Variants in TPH1 observed in about 807,000 individuals in gnomAD.
TPH1 encodes the protein tryptophan hydroxylase 1, also known as tryptophan 5-hydroxylase 1.
A neutral mutation model predicts 49.5 loss-of-function variants in TPH1; 37 were observed. That is an observed-to-expected ratio of 0.75 (90% CI 0.58 to 0.98). The LOEUF is 0.98. Among genes scored for constraint, TPH1 ranks in the 50% least tolerant of loss-of-function variants. TPH1 has a pLI of 0.00. For missense variants in TPH1, 487 were observed against 523.6 expected, an observed-to-expected ratio of 0.93 and a Z score of 0.68; for synonymous variants, 160 against 182.1, an observed-to-expected ratio of 0.88 and a Z score of 0.98.
chr11:18,026,453 C>T, intron 7 of TPH1, 37 bp downstream of exon 7: 1 of 1,471,554 alleles, frequency 6.8e-7, no homozygotes. Context: ...TATAAATAAC[C>T]ATTTGATGAA....
intron 4 of TPH1, among the ~76,000 whole-genome samples, chr11:18,030,166 T>G (rs934495172): frequency 5.9e-5 from 9 of 152,146 alleles, no homozygotes; most frequent in African/African-American, 2.2e-4. Flanking sequence ...CTCAACACTT[T>G]GGGAGACCTA....
chr11:18,036,274 T>C (rs1461992903), intron 2 of TPH1, 132 bp from the exon 3 acceptor site: 6 of 694,222 alleles, frequency 8.6e-6, no homozygotes, highest in Non-Finnish European at 1.5e-5. Flanking sequence ...AGACTGTTTT[T>C]AGTGCTGCCA....
Position 18,040,799 on chromosome 11 carries a change from A to G in TPH1, c.-26-11T>C, listed in dbSNP as rs755549840. On this transcript the variant is annotated splice_polypyrimidine_tract_variant and intron_variant, in intron 1 of 10. Coordinates refer to ENST00000682019, the MANE Select transcript of TPH1 (RefSeq NM_004179.3). ...AGTAATTCTCTAAAACTAAAGTATG[A>G]AAACAAAGACTACGGGCTAAAAAAG... is the stretch of plus-strand genomic sequence containing the variant. 6.2e-7 allele frequency: 1 copy of G among 1,604,646 alleles called. No homozygotes were observed. Among genetic ancestry groups the G allele is most frequent in the African/African-American group, 1.3e-5 (1 of 74,706 alleles).
intron 1 of TPH1, among the ~76,000 whole-genome samples, chr11:18,045,112 C>G (rs1294917161): frequency 6.6e-6 from 1 of 152,136 alleles, no homozygotes; most frequent in Non-Finnish European, 1.5e-5. Flanking sequence ...TTTATATTTA[C>G]CGGATCTAGG....
intron 8 of TPH1, among the ~76,000 whole-genome samples, chr11:18,024,999 C>T (rs140611595): frequency 2.0e-5 from 3 of 152,278 alleles, no homozygotes; most frequent in African/African-American, 7.2e-5. Flanking sequence ...TCTATGCTCC[C>T]AGAGCAATGT....
At chr11:18,031,998 C>T (rs10488683) in intron 4 of TPH1, among the ~76,000 whole-genome samples, 83,583 of 151,818 alleles carry the variant, frequency 0.55, 23,074 homozygotes, top group Middle Eastern at 0.72. Flanking sequence ...TGCTCCTTTC[C>T]GGCAAGTACT....
chr11:18,022,745 T>C (rs1854376935), intron 10 of TPH1, 53 bp downstream of exon 10: 1 of 1,602,550 alleles, frequency 6.2e-7, no homozygotes, highest in African/African-American at 1.3e-5. Flanking sequence ...GTTACCATAA[T>C]GGGGCTGATC....
At chr11:18,042,283 G>C (rs1278757882) in intron 1 of TPH1, 3 of 436,002 alleles carry the variant, frequency 6.9e-6, no homozygotes, top group Non-Finnish European at 1.4e-5. Flanking sequence ...TGGCTCTGGG[G>C]CTAAAAATTC....
chr11:18,042,492 T>C (rs1848107287), intron 1 of TPH1: 1 of 355,030 alleles, frequency 2.8e-6, no homozygotes. Context: ...TAGTAATAAA[T>C]CTTTCTGCAA....
intron 1 of TPH1, among the ~76,000 whole-genome samples, chr11:18,045,562 G>C (rs1848133306): frequency 6.6e-6 from 1 of 151,480 alleles, no homozygotes; most frequent in Non-Finnish European, 1.5e-5. Flanking sequence ...AAGTCAAGTA[G>C]AGTGGGACAT....
chr11:18,040,481 C>A (rs1022218991), intron 2 of TPH1, among the ~76,000 whole-genome samples, 165 bp downstream of exon 2: 2 of 151,628 alleles, frequency 1.3e-5, no homozygotes, highest in African/African-American at 4.8e-5. Context: ...AATCCTCCCA[C>A]CCCAGCCTCC....
At chr11:18,030,637 A>C (rs1847978604) in intron 4 of TPH1, among the ~76,000 whole-genome samples, 1 of 152,202 alleles carries the variant, frequency 6.6e-6, no homozygotes, top group Non-Finnish European at 1.5e-5. Context: ...CTGTTATTGT[A>C]AAATGATACA....
chr11:18,024,974 A>T (rs887085470), intron 8 of TPH1, among the ~76,000 whole-genome samples: 10 of 152,110 alleles, frequency 6.6e-5, no homozygotes, highest in African/African-American at 2.4e-5. Context: ...CTCCCAGGAA[A>T]CCTTCCCCAG....
intron 4 of TPH1, among the ~76,000 whole-genome samples, chr11:18,032,477 T>C (rs537161448): frequency 1.6e-4 from 25 of 152,100 alleles, no homozygotes; most frequent in Admixed American, 4.6e-4. Flanking sequence ...AAGCTACATG[T>C]TTTTCAGGCA....
Position 18,036,011 on chromosome 11 carries a change from A to G in TPH1, c.249T>C (p.His83=). 2 of 1,612,732 alleles carry G rather than the reference A, an allele frequency of 1.2e-6. No homozygotes were observed. The highest frequency in any genetic ancestry group is 1.7e-6 in the Non-Finnish European group (2 of 1,179,910). Residue 83 remains histidine (H), a synonymous_variant, in exon 3 of 11, where the codon CAT becomes CAC. Transcript: ENST00000682019. The part of the protein sequence containing the change: ...LNDIFHLLKS[H]TNVLSVNLPD... ...GTAGATTCACAGAGAGAACATTGGTATGAGACTTCAGCAGATGAAAAATAT... is the reference window on the plus strand; with the variant it reads ...GTAGATTCACAGAGAGAACATTGGTGTGAGACTTCAGCAGATGAAAAATAT...
intron 8 of TPH1, among the ~76,000 whole-genome samples, chr11:18,024,823 C>T (rs912315981): frequency 3.9e-5 from 6 of 152,224 alleles, no homozygotes; most frequent in African/African-American, 1.4e-4. Flanking sequence ...CTCTTGGACA[C>T]TCTGCTCCAG....
At chr11:18,024,102 C>T (rs1054579201) in intron 8 of TPH1, 119 bp from the exon 9 acceptor site, 8 of 757,928 alleles carry the variant, frequency 1.1e-5, no homozygotes, top group African/African-American at 1.0e-4. Flanking sequence ...CAGTCTAGTT[C>T]ACAAGTCTTT....
chr11:18,034,233 A>G (rs186890948), intron 3 of TPH1, among the ~76,000 whole-genome samples: 1 of 152,300 alleles, frequency 6.6e-6, no homozygotes, highest in East Asian at 1.9e-4. Flanking sequence ...CGTCATCTAT[A>G]CACCTCTGCA....
intron 4 of TPH1, among the ~76,000 whole-genome samples, chr11:18,030,520 T>C (rs1267479368): frequency 6.6e-6 from 1 of 152,138 alleles, no homozygotes; most frequent in East Asian, 1.9e-4. Context: ...CTCATCTCTT[T>C]AATACAGATC....
Sources: allele counts gnomAD v4.1 joint callset (sites outside exome capture counted in the v4.1 genomes callset), GRCh38; gene constraint gnomAD v4.1.1; transcripts MANE v1.5; gene names NCBI Gene and HGNC (gene_info 2026-07-23, HGNC 2026-07-21).